FTCDNL1: variants seen among roughly 807,000 people sequenced by gnomAD.
FTCDNL1 encodes formiminotransferase N-terminal subdomain-containing protein.
FTCDNL1 carries 11 observed loss-of-function variants against 5.9 expected under a neutral mutation model. That is an observed-to-expected ratio of 1.87 (90% CI 1.18 to 3.10). FTCDNL1 has a LOEUF of 3.10. Among genes scored for constraint, FTCDNL1 ranks in the 30% most tolerant of loss-of-function variants. FTCDNL1 has a pLI of 0.00. For missense variants in FTCDNL1, 115 were observed against 65.5 expected, an observed-to-expected ratio of 1.76 and a Z score of -2.61; for synonymous variants, 58 against 24.8, an observed-to-expected ratio of 2.34 and a Z score of -3.99.
At chr2:199,750,565 A>T in the FTCDNL1 span, among the ~76,000 whole-genome samples, 1 of 152,182 alleles carries the variant, frequency 6.6e-6, no homozygotes, top group South Asian at 2.1e-4. Context: ...TCATTGCCTG[A>T]AGAGAAAGAA....
chr2:199,732,285 A>G, the FTCDNL1 span, among the ~76,000 whole-genome samples: 1 of 152,196 alleles, frequency 6.6e-6, no homozygotes, highest in African/African-American at 2.4e-5. Context: ...TCCTCCAGGA[A>G]ATTTCTATAG....
chr2:199,778,729 T>C (rs1208736034), intron 3 of FTCDNL1, among the ~76,000 whole-genome samples: 1 of 152,204 alleles, frequency 6.6e-6, no homozygotes, highest in Non-Finnish European at 1.5e-5. Context: ...AATAAATGCC[T>C]CAAACTGCCA....
chr2:199,773,636 A>G (rs533588998), intron 3 of FTCDNL1, among the ~76,000 whole-genome samples: 44 of 152,198 alleles, frequency 2.9e-4, no homozygotes, highest in Non-Finnish European at 5.1e-4. Context: ...GTGACTCTTT[A>G]GAGGGACACC....
At chr2:199,829,460 G>A (rs1702233895) in intron 3 of FTCDNL1, among the ~76,000 whole-genome samples, 1 of 152,058 alleles carries the variant, frequency 6.6e-6, no homozygotes, top group African/African-American at 2.4e-5. Flanking sequence ...CTCTTTGCAG[G>A]AGAATCGATG....
chr2:199,803,481 G>A (rs963055478), intron 3 of FTCDNL1, among the ~76,000 whole-genome samples: 9 of 136,084 alleles, frequency 6.6e-5, no homozygotes, highest in African/African-American at 2.3e-4. Context: ...GTTTGGTTTG[G>A]TTTGTTGAGA....
At chr2:199,780,088 G>A (rs1699288797) in intron 3 of FTCDNL1, among the ~76,000 whole-genome samples, 1 of 152,188 alleles carries the variant, frequency 6.6e-6, no homozygotes, top group Non-Finnish European at 1.5e-5. Context: ...TTGGTGTGCA[G>A]GAGGTGCTCT....
intron 1 of FTCDNL1, among the ~76,000 whole-genome samples, chr2:199,849,825 CTT>C (rs2076828151): frequency 6.6e-6 from 1 of 152,130 alleles, no homozygotes; most frequent in Non-Finnish European, 1.5e-5. Flanking sequence ...ACTTTGGTCT[CTT>C]TTAAATACCA....
At chr2:199,708,617 C>T in the FTCDNL1 span, among the ~76,000 whole-genome samples, 1 of 152,076 alleles carries the variant, frequency 6.6e-6, no homozygotes, top group African/African-American at 2.4e-5. Flanking sequence ...CTATAGCAGC[C>T]TTTTCTCCAG....
the FTCDNL1 span, among the ~76,000 whole-genome samples, chr2:199,694,104 G>T: frequency 1.3e-5 from 2 of 152,138 alleles, no homozygotes; most frequent in Admixed American, 6.6e-5. Flanking sequence ...GAGAAAAAAG[G>T]TTTAAAATTA....
intron 3 of FTCDNL1, among the ~76,000 whole-genome samples, chr2:199,767,172 A>G (rs923763862): frequency 6.6e-6 from 1 of 152,258 alleles, no homozygotes; most frequent in African/African-American, 2.4e-5. Flanking sequence ...AATCTTTTAG[A>G]AAACAAAAAG....
chr2:199,756,364 G>A (rs1019550444), downstream of FTCDNL1, among the ~76,000 whole-genome samples: 1 of 152,124 alleles, frequency 6.6e-6, no homozygotes, highest in African/African-American at 2.4e-5. Context: ...AAAGGGCGTG[G>A]GGGTGGGAGC....
intron 3 of FTCDNL1, among the ~76,000 whole-genome samples, chr2:199,836,413 C>A (rs1432998339): frequency 6.6e-6 from 1 of 151,948 alleles, no homozygotes. Context: ...CTCAAACAAT[C>A]CTCCCACCTT....
chr2:199,802,353 T>G (rs1344005822), intron 3 of FTCDNL1, among the ~76,000 whole-genome samples: 1 of 152,206 alleles, frequency 6.6e-6, no homozygotes, highest in East Asian at 1.9e-4. Flanking sequence ...AGCTTCATCC[T>G]CAGGGACTTT....
At chr2:199,839,113 C>G (rs1425531165) in intron 3 of FTCDNL1, among the ~76,000 whole-genome samples, 2 of 151,838 alleles carry the variant, frequency 1.3e-5, no homozygotes, top group Admixed American at 1.3e-4. Flanking sequence ...AGCATCCACT[C>G]AGAATAAGCA....
At chr2:199,665,647 A>C in the FTCDNL1 span, among the ~76,000 whole-genome samples, 8 of 150,374 alleles carry the variant, frequency 5.3e-5, no homozygotes. Context: ...AAAAAAAAAA[A>C]AAAAAAGAAT....
At chr2:199,717,236 G>A in the FTCDNL1 span, among the ~76,000 whole-genome samples, 1 of 152,162 alleles carries the variant, frequency 6.6e-6, no homozygotes, top group Non-Finnish European at 1.5e-5. Context: ...TTGCCATGTC[G>A]GGCATCAGAG....
the FTCDNL1 span, among the ~76,000 whole-genome samples, chr2:199,698,929 G>A: frequency 6.6e-6 from 1 of 152,126 alleles, no homozygotes; most frequent in African/African-American, 2.4e-5. Flanking sequence ...AAATGGCAAA[G>A]GGGATATTAC....
chr2:199,753,633 C>T, the FTCDNL1 span, among the ~76,000 whole-genome samples: 1,626 of 152,374 alleles, frequency 0.011, 89 homozygotes, highest in Admixed American at 0.083. Flanking sequence ...TTCACTTCTA[C>T]TCCCATCCCC....
At chr2:199,843,050 T>C (rs1166278473) in intron 3 of FTCDNL1, among the ~76,000 whole-genome samples, 7 of 152,130 alleles carry the variant, frequency 4.6e-5, no homozygotes, top group East Asian at 1.9e-4. Flanking sequence ...ATAGTAACCA[T>C]GTACAGTATA....
Sources: allele counts gnomAD v4.1 joint callset (sites outside exome capture counted in the v4.1 genomes callset), GRCh38; gene constraint gnomAD v4.1.1; transcripts MANE v1.5; gene names NCBI Gene and HGNC (gene_info 2026-07-23, HGNC 2026-07-21).